MYO3B: variants seen among roughly 807,000 people sequenced by gnomAD.
MYO3B encodes myosin-IIIb.
A neutral mutation model predicts 174.6 loss-of-function variants in MYO3B; 156 were observed. The ratio of observed to expected loss-of-function variants is 0.89; its 90% confidence interval spans 0.78 to 1.02. The LOEUF (loss-of-function observed/expected upper bound fraction) is 1.02. Ranked by LOEUF, MYO3B falls within the 50% of genes least tolerant of loss-of-function variation. MYO3B has a pLI of 0.00. For missense variants in MYO3B, 1,632 were observed against 1,639.4 expected, an observed-to-expected ratio of 1.00 and a Z score of 0.08; for synonymous variants, 563 against 569.1, an observed-to-expected ratio of 0.99 and a Z score of 0.15.
At chr2:170,195,665 C>T (rs967639878) in intron 1 of MYO3B, among the ~76,000 whole-genome samples, 1 of 152,170 alleles carries the variant, frequency 6.6e-6, no homozygotes. Context: ...GTAACACATG[C>T]CCACTTGGGC....
intron 28 of MYO3B, among the ~76,000 whole-genome samples, chr2:170,512,946 C>G (rs1411053146): frequency 6.6e-6 from 1 of 152,128 alleles, no homozygotes; most frequent in Non-Finnish European, 1.5e-5. Context: ...AGTAGTCGCT[C>G]TCTTTTAGGG....
intron 3 of MYO3B, among the ~76,000 whole-genome samples, chr2:170,205,965 T>C (rs1221294344): frequency 1.3e-5 from 2 of 152,138 alleles, no homozygotes; most frequent in Admixed American, 1.3e-4. Context: ...ATATGGGTAG[T>C]ATACATAGTA....
At position 170,629,896 on chromosome 2, in the gene MYO3B, C is replaced by A. The variant is rs376524359; in HGVS notation, c.3734-21732C>A. The stretch of plus-strand genomic sequence containing the variant: ...CACAATAATGAACTAGAATGTAATT[C>A]CTCTAATGAACTCAGCTATAATATT... On this transcript the variant is annotated intron_variant, in intron 32 of 34. Transcript: ENST00000408978. Among the ~76,000 whole-genome samples, 15 of 151,924 alleles carry A rather than the reference C, an allele frequency of 9.9e-5. No homozygotes were observed. In the East Asian group the frequency reaches 1.9e-3, roughly 20 times the overall value.
intron 32 of MYO3B, among the ~76,000 whole-genome samples, chr2:170,586,588 G>T (rs934126485): frequency 3.3e-5 from 5 of 152,076 alleles, no homozygotes; most frequent in African/African-American, 4.8e-5. Context: ...TATTTTTCTG[G>T]CAACAGAGAT....
rs1184797581 is a variant in MYO3B, at chr2:170,200,302, G to A, written c.321+18G>A. 6.2e-7 allele frequency: 1 copy of A among 1,604,800 alleles called. No homozygotes were observed. The highest frequency in any genetic ancestry group is 1.3e-5 in the African/African-American group (1 of 74,378). ...TCCTGGAGGTAAGAGGCTCCCATTG[G>A]GTAACCAGTGATTTGAACAGAGTGC... On this transcript the variant is annotated intron_variant, in intron 3 of 34. Coordinates refer to ENST00000408978, the MANE Select transcript of MYO3B (RefSeq NM_138995.5).
At chr2:170,286,551 C>T (rs558397166) in intron 7 of MYO3B, among the ~76,000 whole-genome samples, 5 of 152,010 alleles carry the variant, frequency 3.3e-5, no homozygotes, top group Non-Finnish European at 5.9e-5. Flanking sequence ...TATGACTAAT[C>T]TTGGCTTTTA....
chr2:170,481,356 G>A (rs1685678854), intron 25 of MYO3B, among the ~76,000 whole-genome samples: 1 of 152,180 alleles, frequency 6.6e-6, no homozygotes, highest in South Asian at 2.1e-4. Flanking sequence ...AGGCCAAGGT[G>A]GGTGGATCAC....
chr2:170,644,450 C>G (rs1451343022), intron 32 of MYO3B: 1 of 152,172 alleles, frequency 6.6e-6, no homozygotes, highest in Non-Finnish European at 1.5e-5. Flanking sequence ...CCACACACAG[C>G]TAATTTTTGT....
At chr2:170,360,300 A>AC (rs757075286) in intron 8 of MYO3B, among the ~76,000 whole-genome samples, 8 of 152,188 alleles carry the variant, frequency 5.3e-5, no homozygotes, top group Non-Finnish European at 1.2e-4. Context: ...TTAAGCCTGG[A>AC]CTAAGAAGCA....
At position 170,319,751 on chromosome 2, in the gene MYO3B, T is replaced by C. The variant is rs186505481; in HGVS notation, c.750-15634T>C. On this transcript the variant is annotated intron_variant, in intron 7 of 34. Coordinates refer to ENST00000408978, the MANE Select transcript of MYO3B (RefSeq NM_138995.5). The stretch of plus-strand genomic sequence containing the variant: ...ACATCCTAGTTAAACTGGTGAAAGA[T>C]GAAGAGAAAATCTTGAAATCAGCAA... Among the ~76,000 whole-genome samples, 6 of 152,238 alleles carry C rather than the reference T, an allele frequency of 3.9e-5. No homozygotes were observed. In the South Asian group the frequency reaches 6.2e-4, roughly 16 times the overall value.
intron 1 of MYO3B, among the ~76,000 whole-genome samples, chr2:170,193,308 T>C (rs986686045): frequency 6.6e-6 from 1 of 152,082 alleles, no homozygotes. Context: ...ACCCTTTATG[T>C]TCTTTGATAG....
At chr2:170,245,438 T>C (rs2093179384) in intron 7 of MYO3B, among the ~76,000 whole-genome samples, 1 of 152,218 alleles carries the variant, frequency 6.6e-6, no homozygotes, top group Non-Finnish European at 1.5e-5. Flanking sequence ...CCAAAGTGGC[T>C]CTGTCCTAGC....
chr2:170,340,468 T>G (rs2093970304), intron 8 of MYO3B: 1 of 152,224 alleles, frequency 6.6e-6, no homozygotes, highest in African/African-American at 2.4e-5. Context: ...CATCACCTAC[T>G]GTGAGGTTAA....
At chr2:170,564,903 G>T (rs1691965147) in intron 32 of MYO3B, among the ~76,000 whole-genome samples, 1 of 151,904 alleles carries the variant, frequency 6.6e-6, no homozygotes, top group Admixed American at 6.6e-5. Flanking sequence ...ATTCCATAAG[G>T]TCTCTCTTTT....
At chr2:170,403,105 GA>G (rs1386984837) in intron 19 of MYO3B, 110 bp downstream of exon 19, 1 of 1,059,178 alleles carries the variant, frequency 9.4e-7, no homozygotes, top group African/African-American at 1.6e-5. Flanking sequence ...ACCCTAGAGA[GA>G]AAATAGGGTA....
chr2:170,397,074 G>GA (rs1363113971), intron 16 of MYO3B, among the ~76,000 whole-genome samples: 6 of 152,086 alleles, frequency 3.9e-5, no homozygotes, highest in Admixed American at 3.3e-4. Flanking sequence ...GCAAGTCCCA[G>GA]AAAACCTACT....
At chr2:170,633,475 A>ATAAT (rs997138654) in intron 32 of MYO3B, among the ~76,000 whole-genome samples, 1 of 152,184 alleles carries the variant, frequency 6.6e-6, no homozygotes, top group Admixed American at 6.5e-5. Context: ...ATATCTCAAA[A>ATAAT]TAGTAAGAGC....
At chr2:170,534,366 G>C (rs1171079290) in intron 30 of MYO3B, among the ~76,000 whole-genome samples, 1 of 152,220 alleles carries the variant, frequency 6.6e-6, no homozygotes, top group Admixed American at 6.5e-5. Flanking sequence ...TATTGAGGAA[G>C]TCTAGAACAA....
In MYO3B at chr2:170,532,903, T is replaced by TATCAATAC. The variant is rs538236848; in HGVS notation, c.3576-10001_3576-9994dup. ...AATTATGCATGTTTGTATGTGTATA[T>TATCAATAC]ATCAATACAGAGACAGAGAGAGGAC... On this transcript the variant is annotated intron_variant, in intron 30 of 34. Coordinates refer to ENST00000408978, the MANE Select transcript of MYO3B (RefSeq NM_138995.5). Among the ~76,000 whole-genome samples, 126 of 151,830 alleles carry TATCAATAC rather than the reference T, an allele frequency of 8.3e-4. No individual in the cohort carries two copies. In the Middle Eastern group the frequency reaches 0.01, roughly 12 times the overall value.
Sources: allele counts gnomAD v4.1 joint callset (sites outside exome capture counted in the v4.1 genomes callset), GRCh38; gene constraint gnomAD v4.1.1; transcripts MANE v1.5; gene names NCBI Gene and HGNC (gene_info 2026-07-23, HGNC 2026-07-21).